The following CHCHD6 variants were observed in gnomAD, a reference collection of about 807,000 sequenced individuals.
CHCHD6 encodes the protein coiled-coil-helix-coiled-coil-helix domain containing 6.
In CHCHD6, 28 loss-of-function variants were observed where a neutral mutation model predicts 32.3. The observed-to-expected ratio is 0.87, with a 90% CI of 0.64 to 1.19. The LOEUF is 1.19. CHCHD6 is among the 50% of genes most tolerant of loss of function. The probability of loss-of-function intolerance (pLI) is 0.00; values close to 1 mark genes in which losing one functional copy is unlikely to be tolerated. For missense variants in CHCHD6, 333 were observed against 307.0 expected (o/e 1.08, Z -0.63); for synonymous variants, 122 against 117.5 (o/e 1.04, Z -0.25).
At chr3:126,825,623 T>C (rs2107538949) in intron 4 of CHCHD6, among the ~76,000 whole-genome samples, 1 of 152,360 alleles carries the variant, frequency 6.6e-6, no homozygotes, top group Admixed American at 6.5e-5. Flanking sequence ...TGTGCCAAAA[T>C]GATTCTTTTG....
At chr3:126,718,080 GTCAGA>G (rs1324568092) in intron 1 of CHCHD6, among the ~76,000 whole-genome samples, 1 of 152,192 alleles carries the variant, frequency 6.6e-6, no homozygotes, top group Non-Finnish European at 1.5e-5. Context: ...GCCACAGGAT[GTCAGA>G]GCTGGAGGGC....
intron 1 of CHCHD6, among the ~76,000 whole-genome samples, chr3:126,710,503 T>A (rs1934700257): frequency 6.6e-6 from 1 of 152,228 alleles, no homozygotes; most frequent in African/African-American, 2.4e-5. Flanking sequence ...GGATTTCTGT[T>A]GACTCTATAG....
At chr3:126,716,274 G>A (rs1462085437) in intron 1 of CHCHD6, among the ~76,000 whole-genome samples, 1 of 152,206 alleles carries the variant, frequency 6.6e-6, no homozygotes, top group African/African-American at 2.4e-5. Flanking sequence ...GCTCCTTGGA[G>A]CTCCCTCCCT....
intron 6 of CHCHD6, among the ~76,000 whole-genome samples, chr3:126,941,328 C>T (rs1199616872): frequency 6.6e-6 from 1 of 152,214 alleles, no homozygotes; most frequent in Non-Finnish European, 1.5e-5. Flanking sequence ...TTCTTACACA[C>T]TTGAGTCTAT....
chr3:126,737,570 C>T (rs908067853), intron 4 of CHCHD6, among the ~76,000 whole-genome samples: 1 of 151,934 alleles, frequency 6.6e-6, no homozygotes, highest in Non-Finnish European at 1.5e-5. Context: ...GACCACATAG[C>T]GTTGCAAGGG....
At chr3:126,711,876 A>T (rs1176624547) in intron 1 of CHCHD6, among the ~76,000 whole-genome samples, 1 of 152,206 alleles carries the variant, frequency 6.6e-6, no homozygotes, top group Non-Finnish European at 1.5e-5. Flanking sequence ...TTTCAAGTCC[A>T]ACAAATGGTT....
chr3:126,925,648 G>C (rs573904822), intron 6 of CHCHD6, among the ~76,000 whole-genome samples: 1 of 152,276 alleles, frequency 6.6e-6, no homozygotes. Flanking sequence ...CTGGCAGGCA[G>C]GCAGCCAGCC....
chr3:126,727,013 G>A, intron 1 of CHCHD6, 65 bp from the exon 2 acceptor site: 1 of 1,100,064 alleles, frequency 9.1e-7, no homozygotes, highest in Non-Finnish European at 1.4e-6. Flanking sequence ...GAATAAAGAG[G>A]AGGCTTTGCT....
chr3:126,723,275 T>G (rs1388215128), intron 1 of CHCHD6, among the ~76,000 whole-genome samples: 1 of 152,112 alleles, frequency 6.6e-6, no homozygotes, highest in African/African-American at 2.4e-5. Flanking sequence ...TAAGGAAATG[T>G]TCATGGTAAA....
chr3:126,814,450 A>T (rs970454270), intron 4 of CHCHD6, among the ~76,000 whole-genome samples: 8 of 152,364 alleles, frequency 5.3e-5, no homozygotes, highest in Non-Finnish European at 1.0e-4. Context: ...ACTGGTCACC[A>T]GAAACACAAA....
intron 4 of CHCHD6, among the ~76,000 whole-genome samples, chr3:126,740,038 C>G (rs1187916784): frequency 1.3e-5 from 2 of 152,134 alleles, no homozygotes; most frequent in Non-Finnish European, 2.9e-5. Flanking sequence ...GTTGAGTAGC[C>G]TAGTTGAGTA....
At chr3:126,765,968 G>T (rs1242396459) in intron 4 of CHCHD6, among the ~76,000 whole-genome samples, 1 of 152,188 alleles carries the variant, frequency 6.6e-6, no homozygotes, top group East Asian at 1.9e-4. Context: ...CGTGGTTTTG[G>T]ATGGAAGCAG....
chr3:126,928,241 T>G (rs1468482858), intron 6 of CHCHD6, among the ~76,000 whole-genome samples: 2 of 152,250 alleles, frequency 1.3e-5, no homozygotes, highest in Non-Finnish European at 2.9e-5. Flanking sequence ...AAGACTGATT[T>G]CTTCTGCGGC....
intron 6 of CHCHD6, among the ~76,000 whole-genome samples, chr3:126,920,875 C>T (rs1035136818): frequency 6.6e-6 from 1 of 152,184 alleles, no homozygotes; most frequent in Non-Finnish European, 1.5e-5. Flanking sequence ...CACCTCTCCA[C>T]GGTTCCCTTC....
At chr3:126,763,147 A>G (rs1937224586) in intron 4 of CHCHD6, among the ~76,000 whole-genome samples, 1 of 151,828 alleles carries the variant, frequency 6.6e-6, no homozygotes, top group South Asian at 2.1e-4. Context: ...TAGTTAACTG[A>G]TTTGATTCCC....
intron 4 of CHCHD6, among the ~76,000 whole-genome samples, chr3:126,734,668 G>A (rs559839313): frequency 6.6e-6 from 1 of 152,358 alleles, no homozygotes; most frequent in African/African-American, 2.4e-5. Context: ...TACAGTAGTT[G>A]TTAAATTGAA....
Position 126,860,460 on chromosome 3 carries a change from G to A in CHCHD6, c.495+7730G>A, listed in dbSNP as rs138907223. ...GGGCCTGTTGTGGGGTTGGGGAAAG[G>A]GGGGAGGGATAGCATTAGGAGATAT... is the stretch of plus-strand genomic sequence containing the variant. On this transcript the variant is annotated intron_variant, in intron 5 of 7. Coordinates refer to ENST00000290913, the MANE Select transcript of CHCHD6 (RefSeq NM_032343.3). 1.3e-4 allele frequency among the ~76,000 whole-genome samples: 20 copies of A among 151,600 alleles called. No homozygotes were observed. In the South Asian group the frequency reaches 2.3e-3, roughly 17 times the overall value.
intron 3 of CHCHD6, among the ~76,000 whole-genome samples, chr3:126,731,485 T>C (rs1046825430): frequency 3.0e-4 from 46 of 152,218 alleles, no homozygotes; most frequent in African/African-American, 9.4e-4. Flanking sequence ...ACTTCTTTAA[T>C]TGGGATCTTG....
intron 5 of CHCHD6, among the ~76,000 whole-genome samples, chr3:126,853,312 T>C (rs1941543365): frequency 6.6e-6 from 1 of 151,766 alleles, no homozygotes; most frequent in African/African-American, 2.4e-5. Flanking sequence ...GGTAACTTGC[T>C]TATTTTTTGG....
Sources: gnomAD v4.1 joint callset for allele counts (sites outside exome capture counted in the v4.1 genomes callset) on GRCh38, gnomAD v4.1.1 for gene constraint, MANE v1.5 for transcripts, NCBI Gene and HGNC (gene_info 2026-07-23, HGNC 2026-07-21) for gene names.